The following AHRR variants were observed in gnomAD, a reference collection of about 807,000 sequenced individuals.
The protein encoded by AHRR is ahR repressor.
AHRR carries 28 observed loss-of-function variants against 44.0 expected under a neutral mutation model. The observed-to-expected ratio is 0.64, with a 90% CI of 0.47 to 0.87. AHRR has a LOEUF of 0.87. AHRR is among the 40% of genes least tolerant of loss of function. The pLI, the probability that AHRR is intolerant of heterozygous loss-of-function variation, is 0.00. For missense variants in AHRR, 990 were observed against 953.9 expected, an observed-to-expected ratio of 1.04 and a Z score of -0.50; for synonymous variants, 434 against 407.0, an observed-to-expected ratio of 1.07 and a Z score of -0.80.
At chr5:345,571 GGTGTGTGTGGGTGTGTGGGGGTGTGTCT>G (rs1287343790) in intron 2 of AHRR, among the ~76,000 whole-genome samples, 8 of 137,404 alleles carry the variant, frequency 5.8e-5, no homozygotes, top group African/African-American at 1.9e-4. Context: ...GGGATGTGTG[GGTGTGTGTGGGTGTGTGGGGGTGTGTCT>G]GTGTGTGTGG....
At chr5:400,459 G>T (rs534228011) in intron 4 of AHRR, among the ~76,000 whole-genome samples, 1 of 152,020 alleles carries the variant, frequency 6.6e-6, no homozygotes, top group Non-Finnish European at 1.5e-5. Flanking sequence ...ACAGCACATG[G>T]ATGTGATCTT....
chr5:407,465 TCA>T (rs1414702388), intron 4 of AHRR, among the ~76,000 whole-genome samples: 2 of 152,252 alleles, frequency 1.3e-5, no homozygotes, highest in Non-Finnish European at 2.9e-5. Context: ...CCTAATCTGG[TCA>T]TTTTTCCAGT....
intron 4 of AHRR, among the ~76,000 whole-genome samples, chr5:401,619 C>T (rs76312731): frequency 0.05 from 7,629 of 152,296 alleles, 253 homozygotes; most frequent in Middle Eastern, 0.11. Flanking sequence ...GCGGATGCGG[C>T]GGCGAAAGGC....
intron 1 of AHRR, among the ~76,000 whole-genome samples, chr5:339,858 G>T (rs1742270591): frequency 6.6e-6 from 1 of 151,722 alleles, no homozygotes; most frequent in African/African-American, 2.4e-5. Flanking sequence ...TTGGTGTTTG[G>T]ATGTTGAAGC....
At chr5:399,583 G>A (rs375361551) in intron 4 of AHRR, among the ~76,000 whole-genome samples, 1 of 152,206 alleles carries the variant, frequency 6.6e-6, no homozygotes, top group Non-Finnish European at 1.5e-5. Flanking sequence ...GACGCTCACT[G>A]TTGCCGTCCC....
chr5:391,002 G>T (rs556626761), intron 4 of AHRR, among the ~76,000 whole-genome samples: 3 of 152,228 alleles, frequency 2.0e-5, no homozygotes, highest in African/African-American at 7.2e-5. Flanking sequence ...GCCCCTCCAG[G>T]AGGCAGTGGC....
intron 3 of AHRR, among the ~76,000 whole-genome samples, chr5:373,956 G>A (rs1355836152): frequency 6.6e-6 from 1 of 151,570 alleles, no homozygotes; most frequent in East Asian, 1.9e-4. Context: ...CGCCCGCGGG[G>A]GGCACGCGAT....
rs938223859 is a variant in AHRR, at chr5:342,585, G to A, written c.-10-1308G>A. On this transcript the variant is annotated intron_variant, in intron 1 of 10. Transcript: ENST00000684583. The surrounding 1 kb of genome is among the most constrained non-coding windows in gnomAD (Gnocchi z 4.3). ...ATGACACATTTCTGACATTTTTATGGCACTTTCCACACAAGGTGGATATTG... is the reference window on the plus strand; with the variant it reads ...ATGACACATTTCTGACATTTTTATGACACTTTCCACACAAGGTGGATATTG... Among the ~76,000 whole-genome samples, 1 of 152,122 alleles carries A rather than the reference G, an allele frequency of 6.6e-6. No homozygotes were observed. Among genetic ancestry groups the A allele is most frequent in the African/African-American group, 2.4e-5 (1 of 41,412 alleles).
At chr5:360,597 G>A (rs182874626) in intron 3 of AHRR, among the ~76,000 whole-genome samples, 3 of 152,292 alleles carry the variant, frequency 2.0e-5, no homozygotes, top group African/African-American at 7.2e-5. Flanking sequence ...AGCATTGTAG[G>A]GAGAGCTGTG....
intron 5 of AHRR, among the ~76,000 whole-genome samples, chr5:420,322 G>T (rs894875427): frequency 6.6e-6 from 1 of 152,226 alleles, no homozygotes; most frequent in African/African-American, 2.4e-5. Context: ...AATTAACAGA[G>T]CCCAACGAAG....
At chr5:354,386 G>T (rs1269128152) in intron 3 of AHRR, among the ~76,000 whole-genome samples, 1 of 152,142 alleles carries the variant, frequency 6.6e-6, no homozygotes, top group African/African-American at 2.4e-5. Flanking sequence ...GGCTGCCCTG[G>T]GGTGCCGGGC....
intron 3 of AHRR, among the ~76,000 whole-genome samples, chr5:375,353 C>G (rs897809728): frequency 6.6e-6 from 1 of 152,176 alleles, no homozygotes; most frequent in African/African-American, 2.4e-5. Flanking sequence ...TCTTGCTGAG[C>G]AGTGGGGTGG....
At chr5:376,802 G>A (rs904892323) in intron 4 of AHRR, 86 bp downstream of exon 4, 37 of 1,181,648 alleles carry the variant, frequency 3.1e-5, no homozygotes, top group East Asian at 7.6e-5. Flanking sequence ...TCCGTGTCAC[G>A]CATGTTCAGG....
intron 8 of AHRR, among the ~76,000 whole-genome samples, chr5:430,889 G>A (rs1736691993): frequency 2.0e-5 from 3 of 152,238 alleles, no homozygotes; most frequent in South Asian, 4.1e-4. Context: ...GGATGGAAAT[G>A]TAGAGTGCAA....
At chr5:410,857 A>G (rs951521157) in intron 4 of AHRR, among the ~76,000 whole-genome samples, 1 of 152,148 alleles carries the variant, frequency 6.6e-6, no homozygotes, top group African/African-American at 2.4e-5. Context: ...AGTTCTTCTT[A>G]TATCACTTTT....
chr5:362,393 G>A (rs908332259), intron 3 of AHRR, among the ~76,000 whole-genome samples: 1 of 152,234 alleles, frequency 6.6e-6, no homozygotes, highest in Non-Finnish European at 1.5e-5. Context: ...GCAGGTCTGG[G>A]ACTCGATTTT....
At chr5:350,074 C>G (rs569693048) in intron 2 of AHRR, among the ~76,000 whole-genome samples, 1 of 152,308 alleles carries the variant, frequency 6.6e-6, no homozygotes, top group East Asian at 1.9e-4. Flanking sequence ...CAGCTGTGCC[C>G]TTCTCTTTAA....
chr5:331,656 C>G (rs1265086421), intron 1 of AHRR, among the ~76,000 whole-genome samples: 2 of 152,124 alleles, frequency 1.3e-5, no homozygotes, highest in Admixed American at 6.5e-5. Context: ...GTCCATGGCT[C>G]GCTAGGAACC....
chr5:343,789 C>A, intron 1 of AHRR, 104 bp from the exon 2 acceptor site: 2 of 1,201,312 alleles, frequency 1.7e-6, no homozygotes, highest in Non-Finnish European at 2.3e-6. Context: ...CGCGGGGTCG[C>A]GGGTGTGGGG....
Sources: gnomAD v4.1 joint callset for allele counts (sites outside exome capture counted in the v4.1 genomes callset) on GRCh38, gnomAD v4.1.1 for gene constraint, Gnocchi (gnomAD v3.1) non-coding constraint, MANE v1.5 for transcripts, NCBI Gene and HGNC (gene_info 2026-07-23, HGNC 2026-07-21) for gene names.